The following HECW2 variants were observed in gnomAD, a reference collection of about 807,000 sequenced individuals.
The protein encoded by HECW2 is HECT, C2 and WW domain containing E3 ubiquitin protein ligase 2, also known as E3 ubiquitin-protein ligase HECW2.
HECW2 carries 61 observed loss-of-function variants against 175.2 expected under a neutral mutation model. That is an observed-to-expected ratio of 0.35 (90% CI 0.28 to 0.43). HECW2 has a LOEUF of 0.43. Among genes scored for constraint, HECW2 ranks in the 20% least tolerant of loss-of-function variants. The probability of loss-of-function intolerance (pLI) is 1.00; values close to 1 mark genes in which losing one functional copy is unlikely to be tolerated. For missense variants in HECW2, 1,524 were observed against 2,000.5 expected (o/e 0.76, Z 4.54); for synonymous variants, 671 against 731.0 (o/e 0.92, Z 1.32).
chr2:196,279,757 G>A (rs997145208), intron 14 of HECW2, among the ~76,000 whole-genome samples: 4 of 151,948 alleles, frequency 2.6e-5, no homozygotes, highest in Non-Finnish European at 4.4e-5. Flanking sequence ...ATCACATACC[G>A]TCTAGAACTT....
At chr2:196,428,160 T>C (rs1042424919) in intron 2 of HECW2, among the ~76,000 whole-genome samples, 11 of 152,278 alleles carry the variant, frequency 7.2e-5, no homozygotes, top group African/African-American at 2.4e-4. Context: ...CAGCTTGATG[T>C]TCTACTAAAT....
intron 1 of HECW2, among the ~76,000 whole-genome samples, chr2:196,467,542 G>A (rs1429572089): frequency 6.6e-6 from 1 of 152,122 alleles, no homozygotes; most frequent in African/African-American, 2.4e-5. Context: ...TTCTAATGTT[G>A]GTTTCAGCGT....
intron 14 of HECW2, among the ~76,000 whole-genome samples, chr2:196,281,247 G>A (rs975447347): frequency 1.1e-4 from 2 of 17,932 alleles, no homozygotes; most frequent in Non-Finnish European, 7.5e-4. Flanking sequence ...CTGTGCCTGG[G>A]AGAAAGGGTG....
chr2:196,574,962 C>T (rs996800478), intron 1 of HECW2, among the ~76,000 whole-genome samples: 1 of 150,830 alleles, frequency 6.6e-6, no homozygotes, highest in Non-Finnish European at 1.5e-5. Context: ...GTTGGGAAAA[C>T]TAAATATCCA....
At chr2:196,329,464 T>A in intron 5 of HECW2, 111 bp downstream of exon 5, 1 of 744,924 alleles carries the variant, frequency 1.3e-6, no homozygotes, top group Non-Finnish European at 2.3e-6. Context: ...CCCCCAAAAC[T>A]AGTTCACATA....
At chr2:196,466,417 A>C (rs977542945) in intron 1 of HECW2, among the ~76,000 whole-genome samples, 1 of 152,236 alleles carries the variant, frequency 6.6e-6, no homozygotes, top group Non-Finnish European at 1.5e-5. Flanking sequence ...CAGGGATAAA[A>C]GTTTAGCTAG....
At chr2:196,214,482 T>G (rs925504445) in intron 28 of HECW2, among the ~76,000 whole-genome samples, 1 of 152,232 alleles carries the variant, frequency 6.6e-6, no homozygotes, top group Non-Finnish European at 1.5e-5. Flanking sequence ...GTAAAAAGCC[T>G]TATTCAGATA....
At chr2:196,548,448 A>G (rs1689497127) in intron 1 of HECW2, among the ~76,000 whole-genome samples, 1 of 152,162 alleles carries the variant, frequency 6.6e-6, no homozygotes, top group African/African-American at 2.4e-5. Flanking sequence ...TGAAAGATAG[A>G]TAACTATTAT....
Position 196,274,136 on chromosome 2 carries a change from G to C in HECW2, c.3136-13C>G, listed in dbSNP as rs752103974. 1 of 1,594,326 alleles carries C rather than the reference G, an allele frequency of 6.3e-7. No homozygotes were observed. The highest frequency in any genetic ancestry group is 8.6e-7 in the Non-Finnish European group (1 of 1,162,146). On this transcript the variant is annotated splice_polypyrimidine_tract_variant and intron_variant, in intron 15 of 28. Coordinates refer to ENST00000644978, the MANE Select transcript of HECW2 (RefSeq NM_001348768.2). ...AATCTTCTCCTACCTGCAAACAGAA[G>C]CATCATTTATGTTCTGCACCAAGAG...
intron 20 of HECW2, among the ~76,000 whole-genome samples, chr2:196,240,994 T>C (rs1688431742): frequency 7.2e-6 from 1 of 138,476 alleles, no homozygotes; most frequent in African/African-American, 2.6e-5. Flanking sequence ...CCCAGCAAGA[T>C]GACTGTGAGA....
intron 20 of HECW2, 53 bp downstream of exon 20, chr2:196,242,031 G>GC: frequency 6.4e-7 from 1 of 1,560,508 alleles, no homozygotes; most frequent in South Asian, 1.1e-5. Flanking sequence ...GCCCAACTGT[G>GC]CCCTCTCCTT....
At chr2:196,439,891 C>T (rs759335563) in intron 1 of HECW2, among the ~76,000 whole-genome samples, 4 of 152,042 alleles carry the variant, frequency 2.6e-5, no homozygotes, top group Non-Finnish European at 5.9e-5. Context: ...TGGCAGAAGA[C>T]GGATTTTAGT....
intron 1 of HECW2, among the ~76,000 whole-genome samples, chr2:196,458,139 A>C (rs1019305550): frequency 6.6e-5 from 10 of 151,838 alleles, no homozygotes; most frequent in African/African-American, 2.4e-4. Context: ...GTGTGGCAGC[A>C]CATGCCTATT....
intron 1 of HECW2, among the ~76,000 whole-genome samples, chr2:196,503,582 G>A (rs768351886): frequency 4.6e-5 from 7 of 152,042 alleles, no homozygotes; most frequent in Admixed American, 1.3e-4. Flanking sequence ...TCACCCAGTC[G>A]GCCAATAGCA....
At chr2:196,324,881 C>G (rs192367568) in intron 6 of HECW2, 99 bp downstream of exon 6, 2 of 1,010,108 alleles carry the variant, frequency 2.0e-6, no homozygotes, top group Admixed American at 5.0e-5. Context: ...CCCCTAGACA[C>G]TTCATAAACA....
chr2:196,252,187 T>C (rs932859838), intron 19 of HECW2, among the ~76,000 whole-genome samples: 1 of 135,618 alleles, frequency 7.4e-6, no homozygotes, highest in Non-Finnish European at 1.6e-5. Flanking sequence ...AAAATAATAA[T>C]AATAATAATA....
chr2:196,543,034 C>T (rs1029011171), intron 1 of HECW2, among the ~76,000 whole-genome samples: 1 of 149,372 alleles, frequency 6.7e-6, no homozygotes, highest in South Asian at 2.1e-4. Flanking sequence ...CACACACACA[C>T]AAAGGAAAAA....
intron 17 of HECW2, among the ~76,000 whole-genome samples, chr2:196,268,498 C>CA (rs1313782741): frequency 6.6e-6 from 1 of 152,122 alleles, no homozygotes; most frequent in Non-Finnish European, 1.5e-5. Flanking sequence ...TTGAAGCTAC[C>CA]AACTTGGGCC....
rs1688652691 is a variant in HECW2 at position 196,246,561 on chromosome 2, T to G, written c.3530-4357A>C. ...CACCACGCCCGGCTAATTATTTTTT[T>G]GTATTTTTTTAGTAGAGACGGGGTT... On this transcript the variant is annotated intron_variant, in intron 19 of 28. Coordinates refer to ENST00000644978, the MANE Select transcript of HECW2 (RefSeq NM_001348768.2). Among the ~76,000 whole-genome samples, 5 of 152,046 alleles carry G rather than the reference T, an allele frequency of 3.3e-5. No homozygotes were observed. In the South Asian group the frequency reaches 1.0e-3, roughly 32 times the overall value.
Sources: gnomAD v4.1 joint callset for allele counts (sites outside exome capture counted in the v4.1 genomes callset) on GRCh38, gnomAD v4.1.1 for gene constraint, MANE v1.5 for transcripts, NCBI Gene and HGNC (gene_info 2026-07-23, HGNC 2026-07-21) for gene names.